APBB2: variants seen among roughly 807,000 people sequenced by gnomAD.
The protein encoded by APBB2 is Fe65-like 1.
In APBB2, 38 loss-of-function variants were observed where a neutral mutation model predicts 82.5. The ratio of observed to expected loss-of-function variants is 0.46; its 90% CI spans 0.36 to 0.60. The LOEUF is 0.60. Among genes scored for constraint, APBB2 ranks in the 20% least tolerant of loss-of-function variants. APBB2 has a pLI of 0.00. For missense variants in APBB2, 772 were observed against 972.3 expected, an observed-to-expected ratio of 0.79 and a Z score of 2.74; for synonymous variants, 341 against 368.2, an observed-to-expected ratio of 0.93 and a Z score of 0.85.
intron 12 of APBB2, among the ~76,000 whole-genome samples, chr4:40,838,589 C>T (rs569631706): frequency 6.6e-6 from 1 of 152,284 alleles, no homozygotes; most frequent in South Asian, 2.1e-4. Flanking sequence ...CCTGCCTCGG[C>T]CTCTCAAAGT....
At chr4:40,953,883 T>C (rs1403887977) in intron 6 of APBB2, among the ~76,000 whole-genome samples, 2 of 152,124 alleles carry the variant, frequency 1.3e-5, no homozygotes, top group Non-Finnish European at 2.9e-5. Flanking sequence ...TGTTCTTTTG[T>C]GAGGGAACAG....
At chr4:41,180,815 G>A (rs1031442929) in intron 1 of APBB2, among the ~76,000 whole-genome samples, 2 of 152,062 alleles carry the variant, frequency 1.3e-5, no homozygotes, top group Non-Finnish European at 2.9e-5. Flanking sequence ...TCCTCAAGAG[G>A]CCTCATTAAG....
At chr4:40,951,750 T>G (rs1194379115) in intron 6 of APBB2, among the ~76,000 whole-genome samples, 3 of 152,194 alleles carry the variant, frequency 2.0e-5, no homozygotes, top group African/African-American at 7.2e-5. Flanking sequence ...TGGTCACTGT[T>G]AGTGTTATCA....
Position 41,040,812 on chromosome 4 carries a change from G to A in APBB2, c.-50-7508C>T, listed in dbSNP as rs982049850. On this transcript the variant is annotated intron_variant, in intron 4 of 17. Transcript: ENST00000508593. Reference sequence around the variant, plus strand: ...TCTCAACTGCTGGTAGGCAAAACCTGAGTCCTCTTGTTGCTTGCAGCTGAG... The same window carrying A: ...TCTCAACTGCTGGTAGGCAAAACCTAAGTCCTCTTGTTGCTTGCAGCTGAG... Among the ~76,000 whole-genome samples, 4 of 152,322 alleles carry A rather than the reference G, an allele frequency of 2.6e-5. No individual in the cohort carries two copies. The South Asian group carries it at 8.3e-4, about 32-fold the overall frequency.
rs1044079988 is a variant in APBB2, at chr4:41,046,644, C to T, written c.-50-13340G>A. Among the ~76,000 whole-genome samples the T allele has an allele frequency of 2.0e-5, 3 of 152,082 alleles. No individual in the cohort carries two copies. The East Asian group carries it at 5.8e-4, about 29-fold the overall frequency. On this transcript the variant is annotated intron_variant, in intron 4 of 17. Coordinates refer to ENST00000508593, the MANE Select transcript of APBB2 (RefSeq NM_004307.2). ...AGGAAACTAAGGAGCAAGGATCTTG[C>T]TAAATGGGCCAAGGAAGATTTTTTT...
rs575301457 is a variant in APBB2, at chr4:40,874,930, C to T, written c.1529+15434G>A. 3.3e-5 allele frequency among the ~76,000 whole-genome samples: 5 copies of T among 152,206 alleles called. No homozygotes were observed. In the South Asian group the frequency reaches 8.3e-4, roughly 25 times the overall value. ...ATGACCAATCAGTGGTCACAAACAG[C>T]GTTTTAAAAGTTAAAAGAGTAGTAA... On this transcript the variant is annotated intron_variant, in intron 12 of 17. Coordinates refer to ENST00000508593, the MANE Select transcript of APBB2 (RefSeq NM_004307.2).
At chr4:41,186,065 C>T (rs1410462425) in intron 1 of APBB2, among the ~76,000 whole-genome samples, 1 of 152,170 alleles carries the variant, frequency 6.6e-6, no homozygotes, top group Non-Finnish European at 1.5e-5. Context: ...GAATGTCTTA[C>T]ACAGATGTAC....
At chr4:41,062,204 C>T (rs1311544738) in intron 4 of APBB2, among the ~76,000 whole-genome samples, 1 of 147,032 alleles carries the variant, frequency 6.8e-6, no homozygotes, top group African/African-American at 2.5e-5. Context: ...TTGAGTTTTG[C>T]TCTTGTCGCC....
In APBB2 at chr4:41,155,312, G is replaced by C. The variant is rs116403291; in HGVS notation, c.-416-12170C>G. Among the ~76,000 whole-genome samples, 338 of 152,226 alleles carry C rather than the reference G, an allele frequency of 2.2e-3. 1 individual carries two copies. Among genetic ancestry groups the C allele is most frequent in the African/African-American group, 7.9e-3 (327 of 41,528 alleles). ...CAGGGGGAAAATGAGATTATCTTTTGATTCAGAGAGAAACAGAACATTCCA... is the reference window on the plus strand; with the variant it reads ...CAGGGGGAAAATGAGATTATCTTTTCATTCAGAGAGAAACAGAACATTCCA... On this transcript the variant is annotated intron_variant, in intron 1 of 17. Transcript: ENST00000508593.
intron 3 of APBB2, among the ~76,000 whole-genome samples, chr4:41,076,824 T>G (rs969495861): frequency 2.0e-5 from 3 of 152,024 alleles, no homozygotes; most frequent in African/African-American, 7.2e-5. Context: ...GGGTAAAACA[T>G]ATTGCATCCA....
Position 41,127,779 on chromosome 4 carries a change from G to C in APBB2, c.-261+15208C>G, listed in dbSNP as rs1335080855. ...GTGGATTACCTGAGGTCAGGAGTTC[G>C]AGACCAGCCTGGCCAAAAGGCCAGG... On this transcript the variant is annotated intron_variant, in intron 2 of 17. Coordinates refer to ENST00000508593, the MANE Select transcript of APBB2 (RefSeq NM_004307.2). The surrounding 1 kb of genome is among the most constrained non-coding windows in gnomAD (Gnocchi z 4.8). Among the ~76,000 whole-genome samples, 1 of 152,102 alleles carries C rather than the reference G, an allele frequency of 6.6e-6. No homozygotes were observed. Among genetic ancestry groups the C allele is most frequent in the African/African-American group, 2.4e-5 (1 of 41,424 alleles).
intron 4 of APBB2, among the ~76,000 whole-genome samples, chr4:41,057,930 T>C (rs13148401): frequency 0.25 from 38,272 of 152,088 alleles, 5,256 homozygotes; most frequent in Non-Finnish European, 0.3. Context: ...TCTCATCTTT[T>C]TCAGGGGCAA....
At chr4:40,819,994 T>A (rs1747256937) in intron 17 of APBB2, among the ~76,000 whole-genome samples, 1 of 152,216 alleles carries the variant, frequency 6.6e-6, no homozygotes, top group Admixed American at 6.5e-5. Flanking sequence ...AAGATCCTCA[T>A]ACTTTTATTT....
At chr4:41,069,458 T>C (rs1733088158) in intron 3 of APBB2, among the ~76,000 whole-genome samples, 1 of 152,208 alleles carries the variant, frequency 6.6e-6, no homozygotes, top group Non-Finnish European at 1.5e-5. Flanking sequence ...CCAGACAGCC[T>C]TTGTGATCTC....
At chr4:40,976,804 C>T (rs1797275416) in intron 6 of APBB2, among the ~76,000 whole-genome samples, 3 of 152,034 alleles carry the variant, frequency 2.0e-5, no homozygotes, top group Non-Finnish European at 2.9e-5. Context: ...TTTGGGAGGC[C>T]AAGGCAGGAG....
intron 1 of APBB2, among the ~76,000 whole-genome samples, chr4:41,146,954 C>T (rs150514026): frequency 2.3e-3 from 356 of 152,280 alleles, no homozygotes; most frequent in African/African-American, 7.6e-3. Flanking sequence ...AGAAGTCAGG[C>T]GCTGGGTGAA....
At chr4:41,126,247 G>T (rs892553543) in intron 2 of APBB2, among the ~76,000 whole-genome samples, 1 of 151,894 alleles carries the variant, frequency 6.6e-6, no homozygotes, top group African/African-American at 2.4e-5. Flanking sequence ...AGCTGGGCAT[G>T]GTGGTGCATG....
intron 10 of APBB2, among the ~76,000 whole-genome samples, chr4:40,914,678 C>T (rs1779412582): frequency 6.6e-6 from 1 of 152,208 alleles, no homozygotes; most frequent in Non-Finnish European, 1.5e-5. Context: ...TTGCAGGAAC[C>T]TAACTCTGTA....
intron 4 of APBB2, among the ~76,000 whole-genome samples, chr4:41,051,214 A>T (rs1015105913): frequency 6.6e-6 from 1 of 152,194 alleles, no homozygotes; most frequent in Non-Finnish European, 1.5e-5. Context: ...TGGGAAGGGG[A>T]CAAGCCACCA....
Sources: allele counts gnomAD v4.1 joint callset (sites outside exome capture counted in the v4.1 genomes callset), GRCh38; gene constraint gnomAD v4.1.1; non-coding constraint Gnocchi (gnomAD v3.1); transcripts MANE v1.5; gene names NCBI Gene and HGNC (gene_info 2026-07-23, HGNC 2026-07-21).